PLEKHA5: variants seen among roughly 807,000 people sequenced by gnomAD.
PLEKHA5 encodes pleckstrin homology domain containing A5.
PLEKHA5 carries 55 observed loss-of-function variants against 181.9 expected under a neutral mutation model. The observed-to-expected ratio is 0.30, with a 90% CI of 0.24 to 0.38. The LOEUF is 0.38. PLEKHA5 is among the 10% of genes least tolerant of loss of function. The pLI is 1.00. For synonymous variants in PLEKHA5, 535 were observed against 529.4 expected (o/e 1.01, Z -0.15); for missense variants, 1,432 against 1,549.5 (o/e 0.92, Z 1.27).
intron 13 of PLEKHA5, among the ~76,000 whole-genome samples, 160 bp from the exon 14 acceptor site, chr12:19,290,517 T>A (rs1045683762): frequency 6.6e-6 from 1 of 152,246 alleles, no homozygotes; most frequent in African/African-American, 2.4e-5. Context: ...TCTAGATATC[T>A]ATGCATTTAT....
intron 3 of PLEKHA5, among the ~76,000 whole-genome samples, chr12:19,136,047 T>TTTGA (rs570459667): frequency 7.2e-5 from 11 of 151,836 alleles, no homozygotes; most frequent in Non-Finnish European, 1.0e-4. Context: ...GCCTGGCTAA[T>TTTGA]TTGATTGATT....
chr12:19,236,314 T>C (rs2061399225), intron 3 of PLEKHA5, among the ~76,000 whole-genome samples: 1 of 152,156 alleles, frequency 6.6e-6, no homozygotes, highest in Non-Finnish European at 1.5e-5. Context: ...ATTGTGACTG[T>C]GGGCAAATTA....
Position 19,322,352 on chromosome 12 carries a change from G to A in PLEKHA5, c.2260G>A (p.Ala754Thr). Residue 754 changes from alanine (A) to threonine (T), a missense_variant, in exon 19 of 32, where the codon GCT (alanine) becomes ACT (threonine). Physicochemically the swap from Ala to Thr is moderately conservative, Grantham distance 58. Transcript: ENST00000429027. Reference sequence around the variant, plus strand: ...ATGTGAACAAGATAAAGTGGTGCATGCTCTGGAAGAGAAACTTCAGCAACT... The same window carrying A: ...ATGTGAACAAGATAAAGTGGTGCATACTCTGGAAGAGAAACTTCAGCAACT... The part of the protein sequence containing the change: ...RLCEQDKVVH[A>T]LEEKLQQLHK... 1 of 1,613,568 alleles carries A rather than the reference G, an allele frequency of 6.2e-7. No homozygotes were observed. The highest frequency in any genetic ancestry group is 1.1e-5 in the South Asian group (1 of 91,068).
intron 3 of PLEKHA5, among the ~76,000 whole-genome samples, chr12:19,164,410 G>T (rs2043790934): frequency 6.6e-6 from 1 of 151,930 alleles, no homozygotes; most frequent in African/African-American, 2.4e-5. Context: ...GGCCAAACTG[G>T]TCTCAAACTC....
At chr12:19,273,096 A>T (rs1226689148) in intron 10 of PLEKHA5, among the ~76,000 whole-genome samples, 1 of 151,838 alleles carries the variant, frequency 6.6e-6, no homozygotes, top group Non-Finnish European at 1.5e-5. Flanking sequence ...TTTCGTAGAG[A>T]CGGGGTCTCA....
chr12:19,343,407 A>G lies in PLEKHA5; in HGVS notation c.2635A>G (p.Lys879Glu), dbSNP rs761224523. Residue 879 changes from lysine to glutamate, a missense_variant, in exon 22 of 32, where the codon AAG (lysine) becomes GAG (glutamate). This residue lies in a region of PLEKHA5 where 1,143 missense variants were observed against 1,168.4 expected (regional missense o/e 0.98). Coordinates refer to ENST00000429027, the MANE Select transcript of PLEKHA5 (RefSeq NM_001256470.2). ...TGTCATGGAAGGGCTGAGTAAACAT[A>G]AGCAGCAAAGAGGTACTACAGAAAT... ...QDVMEGLSKH[K>E]QQRGTTEIGM... The G allele has an allele frequency of 3.1e-6, 5 of 1,610,018 alleles. No individual in the cohort carries two copies. In the African/African-American group the frequency reaches 5.3e-5, roughly 17 times the overall value.
At chr12:19,255,020 C>G (rs1286262655) in intron 4 of PLEKHA5, 25 bp from the exon 5 acceptor site, 2 of 1,591,194 alleles carry the variant, frequency 1.3e-6, no homozygotes. Flanking sequence ...ACAGCAAGTT[C>G]TAGCATTTTG....
intron 3 of PLEKHA5, chr12:19,200,470 T>A: frequency 7.1e-7 from 1 of 1,410,696 alleles, no homozygotes; most frequent in Non-Finnish European, 9.2e-7. Flanking sequence ...TTGTCTTCGT[T>A]ATCCAGTAGC....
intron 3 of PLEKHA5, among the ~76,000 whole-genome samples, chr12:19,144,976 A>G (rs2038505451): frequency 1.3e-5 from 2 of 152,220 alleles, no homozygotes. Flanking sequence ...AAAAGATATA[A>G]ATAATTGGTA....
intron 15 of PLEKHA5, among the ~76,000 whole-genome samples, chr12:19,305,438 G>A (rs1284796371): frequency 6.6e-6 from 1 of 151,786 alleles, no homozygotes; most frequent in Non-Finnish European, 1.5e-5. Flanking sequence ...ATGAGCGCCT[G>A]TAATCCCAGC....
At position 19,230,545 on chromosome 12, in the gene PLEKHA5, C is replaced by T. The variant is rs563023956; in HGVS notation, c.228-23395C>T. Among the ~76,000 whole-genome samples, 50 of 152,286 alleles carry T rather than the reference C, an allele frequency of 3.3e-4. No individual in the cohort carries two copies. In the South Asian group the frequency reaches 9.3e-3, roughly 28 times the overall value. The stretch of plus-strand genomic sequence containing the variant: ...GCCCGGCGAGAATTTGAGCACGGTG[C>T]GGGTAGGCTGGCAGTGCTGGGGCAC... On this transcript the variant is annotated intron_variant, in intron 3 of 31. Coordinates refer to ENST00000429027, the MANE Select transcript of PLEKHA5 (RefSeq NM_001256470.2).
At chr12:19,211,229 C>G (rs903545686) in intron 3 of PLEKHA5, among the ~76,000 whole-genome samples, 11 of 152,148 alleles carry the variant, frequency 7.2e-5, no homozygotes, top group Non-Finnish European at 1.5e-4. Flanking sequence ...GAATAATACT[C>G]CCCCACTTCA....
At chr12:19,199,893 G>A (rs1039755601) in intron 3 of PLEKHA5, among the ~76,000 whole-genome samples, 2 of 152,040 alleles carry the variant, frequency 1.3e-5, no homozygotes, top group African/African-American at 4.8e-5. Flanking sequence ...GCCAGGCACA[G>A]AAAGACAAAC....
intron 15 of PLEKHA5, among the ~76,000 whole-genome samples, chr12:19,309,681 G>T (rs1193124958): frequency 6.6e-6 from 1 of 151,932 alleles, no homozygotes; most frequent in African/African-American, 2.4e-5. Context: ...GGAGGTGGAG[G>T]TTGCAGTGAG....
At chr12:19,263,186 A>G (rs2069077528) in intron 7 of PLEKHA5, among the ~76,000 whole-genome samples, 1 of 151,202 alleles carries the variant, frequency 6.6e-6, no homozygotes, top group Non-Finnish European at 1.5e-5. Flanking sequence ...TTTTTTTTGC[A>G]TATTTAGTAT....
chr12:19,301,441 G>A (rs2081436361), intron 15 of PLEKHA5, among the ~76,000 whole-genome samples: 1 of 151,828 alleles, frequency 6.6e-6, no homozygotes, highest in Admixed American at 6.6e-5. Context: ...TGAAATTAAA[G>A]GAACAGGGAT....
intron 3 of PLEKHA5, among the ~76,000 whole-genome samples, chr12:19,184,294 T>C (rs1051426825): frequency 6.6e-6 from 1 of 152,180 alleles, no homozygotes; most frequent in Non-Finnish European, 1.5e-5. Flanking sequence ...ATAGTCTATT[T>C]GAATAGTAAA....
intron 25 of PLEKHA5, 118 bp downstream of exon 25, chr12:19,348,637 G>A (rs541713494): frequency 1.6e-6 from 1 of 639,552 alleles, no homozygotes; most frequent in Non-Finnish European, 2.5e-6. Context: ...CCCTTTATCT[G>A]AAACCTTTGG....
At chr12:19,171,463 T>C (rs1262050584) in intron 3 of PLEKHA5, among the ~76,000 whole-genome samples, 3 of 152,214 alleles carry the variant, frequency 2.0e-5, no homozygotes, top group Non-Finnish European at 4.4e-5. Context: ...TTTATTTATA[T>C]TGATATACAA....
Sources: allele counts gnomAD v4.1 joint callset (sites outside exome capture counted in the v4.1 genomes callset), GRCh38; gene constraint gnomAD v4.1.1; regional missense constraint gnomAD v4.1.1; transcripts MANE v1.5; gene names NCBI Gene and HGNC (gene_info 2026-07-23, HGNC 2026-07-21).